Variants in SNTG1 observed in about 807,000 individuals in gnomAD.
The protein encoded by SNTG1 is gamma-1-syntrophin.
Under a neutral mutation model 74.7 loss-of-function variants are expected in SNTG1, and 39 were observed. The ratio of observed to expected loss-of-function variants is 0.52; its 90% confidence interval spans 0.40 to 0.68. The LOEUF (loss-of-function observed/expected upper bound fraction) is 0.68, where lower values mean the gene tolerates loss of function less well. Among genes scored for constraint, SNTG1 ranks in the 30% least tolerant of loss-of-function variants. The pLI is 0.00. For synonymous variants in SNTG1, 254 were observed against 217.1 expected (o/e 1.17, Z -1.49); for missense variants, 685 against 609.5 (o/e 1.12, Z -1.30).
At chr8:50,461,328 CCTGT>C (rs1382618871) in intron 8 of SNTG1, among the ~76,000 whole-genome samples, 5 of 151,934 alleles carry the variant, frequency 3.3e-5, no homozygotes, top group Admixed American at 2.6e-4. Flanking sequence ...ACCTTGATTA[CCTGT>C]CTGAGATAGA....
intron 1 of SNTG1, among the ~76,000 whole-genome samples, chr8:49,980,213 T>TGGA (rs1812548238): frequency 3.3e-5 from 5 of 152,202 alleles, no homozygotes; most frequent in African/African-American, 1.2e-4. Flanking sequence ...TTCTACTTTC[T>TGGA]TTCTCTATGA....
At chr8:50,537,271 C>T (rs1423083251) in intron 11 of SNTG1, among the ~76,000 whole-genome samples, 2 of 152,076 alleles carry the variant, frequency 1.3e-5, no homozygotes, top group African/African-American at 2.4e-5. Context: ...ACTGCAGGCA[C>T]ATGCCACCAT....
intron 8 of SNTG1, 136 bp downstream of exon 8, chr8:50,450,865 TCTTAA>T (rs2093450309): frequency 1.2e-6 from 1 of 842,300 alleles, no homozygotes; most frequent in South Asian, 1.9e-5. Flanking sequence ...TCAAATGTTC[TCTTAA>T]TTTTTTTTTA....
At chr8:50,585,374 G>A (rs1023912928) in intron 12 of SNTG1, among the ~76,000 whole-genome samples, 5 of 152,066 alleles carry the variant, frequency 3.3e-5, no homozygotes, top group South Asian at 4.1e-4. Flanking sequence ...TTTGTGATAC[G>A]GACAGAAATT....
In SNTG1 at chr8:50,450,669, G is replaced by A; in HGVS notation, c.322-19G>A. 3 of 1,613,434 alleles carry A rather than the reference G, an allele frequency of 1.9e-6. No individual in the cohort carries two copies. Among genetic ancestry groups the A allele is most frequent in the Non-Finnish European group, 2.5e-6 (3 of 1,179,738 alleles). Reference sequence around the variant, plus strand: ...TTTACAATATGCCATGGGAAACTATGCTTTTCTTTTCATTGCAGATAAATG... The same window carrying A: ...TTTACAATATGCCATGGGAAACTATACTTTTCTTTTCATTGCAGATAAATG... On this transcript the variant is annotated intron_variant, in intron 7 of 18. Transcript: ENST00000642720.
chr8:50,740,285 A>C (rs1373008836), intron 17 of SNTG1, among the ~76,000 whole-genome samples: 1 of 151,522 alleles, frequency 6.6e-6, no homozygotes, highest in Admixed American at 6.6e-5. Flanking sequence ...GAAAAAAAAA[A>C]CAGCCTTATT....
chr8:50,452,905 A>G (rs936097866), intron 8 of SNTG1, among the ~76,000 whole-genome samples: 2 of 152,256 alleles, frequency 1.3e-5, no homozygotes, highest in Non-Finnish European at 2.9e-5. Context: ...AGAAAAAGGT[A>G]TAACAAGCTG....
intron 1 of SNTG1, among the ~76,000 whole-genome samples, chr8:49,967,406 G>T (rs913748100): frequency 6.6e-6 from 1 of 152,154 alleles, no homozygotes; most frequent in African/African-American, 2.4e-5. Context: ...CTGTAGACAT[G>T]AGACTGTGAA....
chr8:50,191,005 A>G (rs2083552326), intron 2 of SNTG1, among the ~76,000 whole-genome samples: 1 of 152,152 alleles, frequency 6.6e-6, no homozygotes, highest in Non-Finnish European at 1.5e-5. Context: ...TATTTTCTGG[A>G]TAAGCACTTC....
chr8:50,784,639 G>A (rs1007153655), intron 18 of SNTG1, among the ~76,000 whole-genome samples: 3 of 152,160 alleles, frequency 2.0e-5, no homozygotes, highest in Non-Finnish European at 4.4e-5. Context: ...TTAAGCAGAA[G>A]AGTAACAATG....
intron 1 of SNTG1, among the ~76,000 whole-genome samples, chr8:49,917,906 C>T (rs943405639): frequency 1.3e-5 from 2 of 152,090 alleles, no homozygotes; most frequent in East Asian, 1.9e-4. Flanking sequence ...TAGAACAAAA[C>T]GTGAGAACTG....
intron 9 of SNTG1, among the ~76,000 whole-genome samples, chr8:50,520,580 A>C (rs1169748742): frequency 6.6e-6 from 1 of 152,200 alleles, no homozygotes; most frequent in Non-Finnish European, 1.5e-5. Context: ...TTACAACAAA[A>C]AGCAAATAAT....
chr8:50,130,530 GA>G (rs1247098255), intron 1 of SNTG1, among the ~76,000 whole-genome samples: 2 of 152,050 alleles, frequency 1.3e-5, no homozygotes, highest in Non-Finnish European at 2.9e-5. Context: ...TGGAAACCAG[GA>G]GCAAAATATA....
Position 50,033,138 on chromosome 8 carries a change from G to A in SNTG1, c.-103+120907G>A, listed in dbSNP as rs142027024. Among the ~76,000 whole-genome samples the A allele has an allele frequency of 1.1e-3, 158 of 149,246 alleles. 3 individuals are homozygous for A. The East Asian group carries it at 0.029, about 27-fold the overall frequency. ...AAAAGTGTTTTTTTTTTTTTGAGAC[G>A]GAGTTTCGCTCTTGTTGCCCGGGTT... On this transcript the variant is annotated intron_variant, in intron 1 of 18. Coordinates refer to ENST00000642720, the MANE Select transcript of SNTG1 (RefSeq NM_018967.5).
At chr8:49,942,429 C>G (rs756323880) in intron 1 of SNTG1, among the ~76,000 whole-genome samples, 1 of 152,164 alleles carries the variant, frequency 6.6e-6, no homozygotes, top group Non-Finnish European at 1.5e-5. Flanking sequence ...ACATCTTACA[C>G]TAGTATGGTA....
intron 2 of SNTG1, among the ~76,000 whole-genome samples, chr8:50,365,517 T>G (rs1307670182): frequency 1.3e-5 from 2 of 152,128 alleles, no homozygotes; most frequent in Non-Finnish European, 1.5e-5. Flanking sequence ...AGAAAATTTC[T>G]GATATATCTG....
intron 1 of SNTG1, among the ~76,000 whole-genome samples, chr8:49,991,169 A>G (rs2130309715): frequency 6.6e-6 from 1 of 152,292 alleles, no homozygotes; most frequent in African/African-American, 2.4e-5. Context: ...TATGCAAATC[A>G]ACAATAAACA....
intron 11 of SNTG1, among the ~76,000 whole-genome samples, chr8:50,545,867 G>A (rs964917768): frequency 1.3e-5 from 2 of 152,066 alleles, no homozygotes; most frequent in African/African-American, 4.8e-5. Flanking sequence ...TATGAGAATT[G>A]TGCTTTTAAC....
chr8:50,787,880 T>C (rs1158838491), intron 18 of SNTG1, among the ~76,000 whole-genome samples: 2 of 152,054 alleles, frequency 1.3e-5, no homozygotes, highest in African/African-American at 4.8e-5. Context: ...GTATAGGATA[T>C]ATTTTTGGAG....
Sources: allele counts gnomAD v4.1 joint callset (sites outside exome capture counted in the v4.1 genomes callset), GRCh38; gene constraint gnomAD v4.1.1; transcripts MANE v1.5; gene names NCBI Gene and HGNC (gene_info 2026-07-23, HGNC 2026-07-21).